Variants in SCN9A observed in about 807,000 individuals in gnomAD.
The protein encoded by SCN9A is sodium channel protein type 9 subunit alpha.
A neutral mutation model predicts 187.0 loss-of-function variants in SCN9A; 131 were observed. The observed-to-expected ratio is 0.70, with a 90% CI of 0.61 to 0.81. The LOEUF is 0.81. Among genes scored for constraint, SCN9A ranks in the 30% least tolerant of loss-of-function variants. The pLI is 0.00. For synonymous variants in SCN9A, 809 were observed against 808.6 expected (o/e 1.00, Z -0.01); for missense variants, 2,252 against 2,396.6 (o/e 0.94, Z 1.26).
At position 166,272,559 on chromosome 2, in the gene SCN9A, C is replaced by G. The variant is rs772281862; in HGVS notation, c.3191G>C (p.Ser1064Thr). 2 of 1,613,478 alleles carry G rather than the reference C, an allele frequency of 1.2e-6. No homozygotes were observed. The highest frequency in any genetic ancestry group is 1.7e-6 in the Non-Finnish European group (2 of 1,179,730). Residue 1064 changes from serine (S) to threonine (T), a missense_variant, in exon 17 of 27, where the codon AGC becomes ACC. Ser to Thr is a moderately conservative substitution (Grantham distance 58, BLOSUM62 1). Transcript: ENST00000642356. ...TTCCATCAAGTGTTTGTCCACGCTG[C>G]TTCCAAAACCACTGATTTTATCTTT... ...KEKDKISGFG[S>T]SVDKHLMEDS... is the part of the protein sequence containing the mutation.
chr2:166,235,885 G>T (rs1162000743), intron 20 of SCN9A, among the ~76,000 whole-genome samples: 1 of 151,950 alleles, frequency 6.6e-6, no homozygotes, highest in Non-Finnish European at 1.5e-5. Flanking sequence ...TACTCACTGA[G>T]AATCATCACT....
intron 1 of SCN9A, among the ~76,000 whole-genome samples, chr2:166,374,774 T>A (rs1347893558): frequency 1.3e-5 from 2 of 152,156 alleles, no homozygotes; most frequent in Non-Finnish European, 2.9e-5. Flanking sequence ...TCCTATTCAG[T>A]AACTGACAAG....
intron 20 of SCN9A, 135 bp from the exon 21 acceptor site, chr2:166,233,597 C>A: frequency 1.4e-5 from 7 of 512,262 alleles, no homozygotes; most frequent in South Asian, 3.8e-5. Flanking sequence ...GTAGTCAATG[C>A]CTAAAAATAG....
rs780201476 is a variant in SCN9A, at chr2:166,272,686, T to A, written c.3064A>T (p.Arg1022Trp). 6.2e-7 allele frequency: 1 copy of A among 1,603,152 alleles called. No individual in the cohort carries two copies. The highest frequency in any genetic ancestry group is 1.1e-5 in the South Asian group (1 of 89,180). ...KAFSKKPKIS[R>W]EIRQAEDLNT... ...AGATCTTCTGCTTGTCTTATCTCCC[T>A]GGAAATCTTTGGCTTTTTGGAAAAT... Residue 1022 changes from arginine (R) to tryptophan (W), a missense_variant, in exon 17 of 27, where the codon AGG becomes TGG. Coordinates refer to ENST00000642356, the MANE Select transcript of SCN9A (RefSeq NM_001365536.1).
intron 2 of SCN9A, 86 bp downstream of exon 2, chr2:166,311,413 C>A (rs1698951769): frequency 1.0e-6 from 1 of 980,580 alleles, no homozygotes; most frequent in South Asian, 3.7e-5. Flanking sequence ...TGGTTATTCA[C>A]TAAATTTCAC....
chr2:166,324,713 A>C lies in SCN9A; in HGVS notation c.-50-12907T>G, dbSNP rs1332005355. On this transcript the variant is annotated intron_variant, in intron 1 of 26. Transcript: ENST00000642356. ...CTTCCTTCCCAAAACTTATAGCCTT[A>C]ATCTAACCATGAGAAAAATATCAGA... Among the ~76,000 whole-genome samples the C allele has an allele frequency of 2.0e-5, 3 of 152,186 alleles. 1 individual carries two copies. Among genetic ancestry groups the C allele is most frequent in the African/African-American group, 7.2e-5 (3 of 41,458 alleles).
intron 24 of SCN9A, among the ~76,000 whole-genome samples, chr2:166,212,974 A>G (rs569078415): frequency 6.6e-6 from 1 of 152,318 alleles, no homozygotes; most frequent in African/African-American, 2.4e-5. Flanking sequence ...AATTTATGAG[A>G]TGCAGCAAAA....
chr2:166,198,821 T>C lies in SCN9A; in HGVS notation c.5818A>G (p.Asn1940Asp). The change falls in exon 27 of 27, where the codon AAC becomes GAC. Residue 1940 changes from asparagine (N) to aspartate (D), a missense_variant. By Grantham distance (23) the Asn-to-Asp change is conservative. Coordinates refer to ENST00000642356, the MANE Select transcript of SCN9A (RefSeq NM_001365536.1). ...KDMAFDNVNENSSPEKTDATS... is the reference protein window; with the variant it reads ...KDMAFDNVNEDSSPEKTDATS... ...GCATCTGTTTTTTCTGGACTTGAGTTCTCATTAACATTATCAAAAGCCATA... is the reference window on the plus strand; with the variant it reads ...GCATCTGTTTTTTCTGGACTTGAGTCCTCATTAACATTATCAAAAGCCATA... 6.2e-7 allele frequency: 1 copy of C among 1,613,390 alleles called. No homozygotes were observed. The highest frequency in any genetic ancestry group is 1.1e-5 in the South Asian group (1 of 91,036).
chr2:166,226,294 A>G (rs183631887), intron 24 of SCN9A, among the ~76,000 whole-genome samples: 5 of 152,264 alleles, frequency 3.3e-5, no homozygotes, highest in Admixed American at 2.6e-4. Flanking sequence ...GAAACATTGG[A>G]AAAAACAGAA....
Position 166,278,282 on chromosome 2 carries a change from AC to A in SCN9A, c.2374del (p.Val792TyrfsTer2). On this transcript the variant is annotated frameshift_variant, in exon 15 of 27. Transcript: ENST00000642356. LOFTEE classifies it high-confidence loss of function. ...VFTGIFAAEM[V>X]LKLIAMDPYE... ...TGGATCCATGGCAATCAGTTTTAAT[AC>A]CATTTCAGCTGCAAAGATTCCAGTA... is the stretch of plus-strand genomic sequence containing the variant. The A allele has an allele frequency of 6.2e-7, 1 of 1,608,904 alleles. No individual in the cohort carries two copies. Among genetic ancestry groups the A allele is most frequent in the South Asian group, 1.1e-5 (1 of 89,804 alleles).
chr2:166,347,685 CA>C (rs1286468314), intron 1 of SCN9A, among the ~76,000 whole-genome samples: 1 of 152,136 alleles, frequency 6.6e-6, no homozygotes, highest in Non-Finnish European at 1.5e-5. Flanking sequence ...GAGTAATAAA[CA>C]CATTAAGACT....
chr2:166,306,624 G>A, intron 3 of SCN9A, 25 bp from the exon 4 acceptor site: 1 of 1,441,096 alleles, frequency 6.9e-7, no homozygotes, highest in South Asian at 1.2e-5. Context: ...AGGAACAAAA[G>A]AGACGACAGT....
At chr2:166,261,970 CATA>C (rs1696527440) in intron 17 of SCN9A, among the ~76,000 whole-genome samples, 1 of 151,910 alleles carries the variant, frequency 6.6e-6, no homozygotes, top group Admixed American at 6.6e-5. Context: ...TCTGTAATAA[CATA>C]ATAAGTCATG....
rs1039061097 is a variant in SCN9A, at chr2:166,196,004, C to G, written c.*2668G>C. 2.0e-5 allele frequency: 3 copies of G among 152,204 alleles called. No individual in the cohort carries two copies. Among genetic ancestry groups the G allele is most frequent in the African/African-American group, 7.2e-5 (3 of 41,436 alleles). 9.4% of individuals were successfully genotyped at this position (152,204 alleles called of 1,614,324 possible). A position where few individuals can be genotyped will look rare whatever the true frequency, so the allele number is the denominator to read the frequency against. On this transcript the variant is annotated 3_prime_UTR_variant, in exon 27 of 27. Coordinates refer to ENST00000642356, the MANE Select transcript of SCN9A (RefSeq NM_001365536.1). ...GAGGCTGCAGAGAGCTATGATCATGCCATTGCACTCTAGCCTGGGTGACAG... is the reference window on the plus strand; with the variant it reads ...GAGGCTGCAGAGAGCTATGATCATGGCATTGCACTCTAGCCTGGGTGACAG...
chr2:166,261,066 C>A (rs1696483941), intron 17 of SCN9A, among the ~76,000 whole-genome samples: 1 of 151,690 alleles, frequency 6.6e-6, no homozygotes, highest in Non-Finnish European at 1.5e-5. Context: ...TATAACATTA[C>A]AATTGATGCA....
intron 24 of SCN9A, among the ~76,000 whole-genome samples, chr2:166,216,138 T>C (rs1249209425): frequency 6.6e-6 from 1 of 152,030 alleles, no homozygotes; most frequent in Non-Finnish European, 1.5e-5. Context: ...ACAAAAATCA[T>C]ATGATCATCT....
chr2:166,288,093 T>A (rs868034903), intron 10 of SCN9A, among the ~76,000 whole-genome samples: 4 of 134,910 alleles, frequency 3.0e-5, no homozygotes, highest in African/African-American at 8.2e-5. Context: ...TTCCATGTGT[T>A]TATATATATA....
intron 1 of SCN9A, among the ~76,000 whole-genome samples, chr2:166,372,572 C>T (rs947841921): frequency 1.1e-4 from 17 of 151,942 alleles, no homozygotes; most frequent in African/African-American, 3.6e-4. Flanking sequence ...TGGTCACTGC[C>T]TTTCTAAGAA....
At chr2:166,329,542 C>A (rs548993925) in intron 1 of SCN9A, among the ~76,000 whole-genome samples, 2 of 148,696 alleles carry the variant, frequency 1.3e-5, no homozygotes, top group Admixed American at 1.4e-4. Context: ...CTAGTTGTTA[C>A]CCATTTTTGT....
Sources: allele counts gnomAD v4.1 joint callset (sites outside exome capture counted in the v4.1 genomes callset), GRCh38; gene constraint gnomAD v4.1.1; transcripts MANE v1.5; gene names NCBI Gene and HGNC (gene_info 2026-07-23, HGNC 2026-07-21).